HPSE2: variants seen among roughly 807,000 people sequenced by gnomAD.
HPSE2 encodes the protein inactive heparanase-2.
In HPSE2, 38 loss-of-function variants were observed where a neutral mutation model predicts 60.5. The ratio of observed to expected loss-of-function variants is 0.63; its 90% CI spans 0.48 to 0.82. The LOEUF is 0.82. HPSE2 is among the 40% of genes least tolerant of loss of function. The pLI is 0.00. For synonymous variants in HPSE2, 295 were observed against 293.2 expected (o/e 1.01, Z -0.06); for missense variants, 713 against 740.4 (o/e 0.96, Z 0.43).
chr10:99,038,545 CA>C (rs1348720208), intron 3 of HPSE2, among the ~76,000 whole-genome samples: 2 of 152,050 alleles, frequency 1.3e-5, no homozygotes, highest in African/African-American at 4.8e-5. Flanking sequence ...GTGTGACTAT[CA>C]AAAGGTAACA....
At position 98,597,291 on chromosome 10, in the gene HPSE2, A is replaced by G. The variant is rs112318236; in HGVS notation, c.1320+17613T>C. ...TTTATATCTTTTCCCAGATTTGGAT[A>G]AGGAATGTTTTCTGCTATTATTTCT... On this transcript the variant is annotated intron_variant, in intron 9 of 11. Transcript: ENST00000370552. Among the ~76,000 whole-genome samples, 656 of 152,266 alleles carry G rather than the reference A, an allele frequency of 4.3e-3. 3 individuals are homozygous for G. The highest frequency in any genetic ancestry group is 0.015 in the African/African-American group (632 of 41,558).
At chr10:99,217,085 T>C (rs931972220) in intron 2 of HPSE2, among the ~76,000 whole-genome samples, 15 of 152,000 alleles carry the variant, frequency 9.9e-5, no homozygotes, top group Middle Eastern at 3.2e-3. Context: ...CTGTGATCCC[T>C]GCCATCATCA....
the HPSE2 span, among the ~76,000 whole-genome samples, chr10:99,247,564 T>C: frequency 3.9e-5 from 6 of 152,228 alleles, 2 homozygotes; most frequent in South Asian, 1.2e-3. Flanking sequence ...TGAATATAAA[T>C]GGTCTAAATG....
At chr10:99,070,492 C>A (rs991435266) in intron 3 of HPSE2, among the ~76,000 whole-genome samples, 50 of 152,040 alleles carry the variant, frequency 3.3e-4, no homozygotes, top group African/African-American at 1.2e-3. Flanking sequence ...AAAGATAATT[C>A]TTTTTTATTG....
At chr10:98,541,140 A>G (rs1943443199) in intron 9 of HPSE2, among the ~76,000 whole-genome samples, 1 of 152,228 alleles carries the variant, frequency 6.6e-6, no homozygotes, top group Admixed American at 6.5e-5. Context: ...CTTTTCAATT[A>G]TAATTAAAAA....
At chr10:98,663,391 G>GA (rs1293925582) in intron 6 of HPSE2, among the ~76,000 whole-genome samples, 1 of 151,924 alleles carries the variant, frequency 6.6e-6, no homozygotes, top group Non-Finnish European at 1.5e-5. Flanking sequence ...AGTGCTATAA[G>GA]AAAAAAAATA....
chr10:98,605,574 T>C (rs1248410562), intron 9 of HPSE2, among the ~76,000 whole-genome samples: 4 of 151,160 alleles, frequency 2.6e-5, no homozygotes, highest in Non-Finnish European at 4.4e-5. Context: ...ATGGGGATGG[T>C]TGGGCCAGTG....
At chr10:99,249,115 A>C in the HPSE2 span, among the ~76,000 whole-genome samples, 4 of 152,200 alleles carry the variant, frequency 2.6e-5, no homozygotes, top group Admixed American at 2.6e-4. Context: ...CAGAGTCCCC[A>C]CTAGGGCACT....
chr10:98,804,308 C>T (rs1218646227), intron 3 of HPSE2, among the ~76,000 whole-genome samples: 4 of 151,874 alleles, frequency 2.6e-5, no homozygotes, highest in South Asian at 2.1e-4. Context: ...AACACTTTTG[C>T]ACAGCAAAGG....
chr10:98,642,414 A>G (rs2134038127), intron 6 of HPSE2, among the ~76,000 whole-genome samples: 1 of 152,352 alleles, frequency 6.6e-6, no homozygotes, highest in East Asian at 1.9e-4. Context: ...AATCTGACTT[A>G]GTGTAGTGAG....
chr10:98,647,200 C>T (rs1328420928), intron 6 of HPSE2, among the ~76,000 whole-genome samples: 2 of 152,138 alleles, frequency 1.3e-5, no homozygotes, highest in Admixed American at 6.5e-5. Flanking sequence ...ACCCCATTCC[C>T]GTCCCACTGA....
At chr10:98,712,798 T>C (rs1049598659) in intron 5 of HPSE2, among the ~76,000 whole-genome samples, 1 of 152,106 alleles carries the variant, frequency 6.6e-6, no homozygotes, top group Admixed American at 6.6e-5. Context: ...AATATTCCAC[T>C]AGCAATTCTG....
chr10:99,073,967 C>T (rs979444321), intron 3 of HPSE2, among the ~76,000 whole-genome samples: 30 of 141,096 alleles, frequency 2.1e-4, no homozygotes, highest in African/African-American at 5.2e-5. Context: ...TGGTGGAATC[C>T]TTCTAATTTT....
At chr10:98,491,871 G>T (rs972125651) in intron 9 of HPSE2, among the ~76,000 whole-genome samples, 1 of 152,122 alleles carries the variant, frequency 6.6e-6, no homozygotes, top group East Asian at 1.9e-4. Flanking sequence ...CAACCTAAAG[G>T]GTGGGTATAG....
At chr10:99,167,881 GTC>G (rs147629381) in intron 2 of HPSE2, among the ~76,000 whole-genome samples, 2,757 of 148,168 alleles carry the variant, frequency 0.019, 84 homozygotes, top group African/African-American at 0.064. Flanking sequence ...AACACATTTT[GTC>G]TCTCTCTCTC....
rs80111558 is a variant in HPSE2, at chr10:98,830,239, C to A, written c.611-86183G>T. On this transcript the variant is annotated intron_variant, in intron 3 of 11. Coordinates refer to ENST00000370552, the MANE Select transcript of HPSE2 (RefSeq NM_021828.5). Reference sequence around the variant, plus strand: ...TCCCTGTGTTAATAGAGATTACATTCTATTGGGGAAGACAGAAAACAATAA... The same window carrying A: ...TCCCTGTGTTAATAGAGATTACATTATATTGGGGAAGACAGAAAACAATAA... Among the ~76,000 whole-genome samples the A allele has an allele frequency of 9.2e-3, 1,398 of 152,012 alleles. 22 individuals carry two copies. Among genetic ancestry groups the A allele is most frequent in the African/African-American group, 0.031 (1,295 of 41,416 alleles).
intron 5 of HPSE2, among the ~76,000 whole-genome samples, chr10:98,707,370 C>G (rs1948572912): frequency 6.6e-6 from 1 of 152,164 alleles, no homozygotes; most frequent in African/African-American, 2.4e-5. Flanking sequence ...AGTCTCTGGA[C>G]AGGCAATTCA....
At chr10:99,106,265 TTTTC>T (rs1844244122) in intron 3 of HPSE2, among the ~76,000 whole-genome samples, 1 of 152,088 alleles carries the variant, frequency 6.6e-6, no homozygotes, top group Non-Finnish European at 1.5e-5. Flanking sequence ...CTATTTTAAA[TTTTC>T]TTTATTTCAA....
At chr10:98,578,186 C>T (rs577916636) in intron 9 of HPSE2, among the ~76,000 whole-genome samples, 1 of 152,288 alleles carries the variant, frequency 6.6e-6, no homozygotes, top group East Asian at 1.9e-4. Context: ...TTTTCAAAAC[C>T]TCCTAAGAAT....
Sources: gnomAD v4.1 joint callset for allele counts (sites outside exome capture counted in the v4.1 genomes callset) on GRCh38, gnomAD v4.1.1 for gene constraint, MANE v1.5 for transcripts, NCBI Gene and HGNC (gene_info 2026-07-23, HGNC 2026-07-21) for gene names.